MYT1L: variants seen among roughly 807,000 people sequenced by gnomAD.
MYT1L encodes the protein myelin transcription factor 1 like.
A neutral mutation model predicts 126.7 loss-of-function variants in MYT1L; 12 were observed. That is an observed-to-expected ratio of 0.09 (90% CI 0.06 to 0.15). The LOEUF is 0.15. Ranked by LOEUF, MYT1L falls within the 10% of genes least tolerant of loss-of-function variation. The probability of loss-of-function intolerance (pLI) is 1.00; values close to 1 mark genes in which losing one functional copy is unlikely to be tolerated. For synonymous variants in MYT1L, 541 were observed against 604.2 expected, an observed-to-expected ratio of 0.90 and a Z score of 1.53; for missense variants, 979 against 1,585.2, an observed-to-expected ratio of 0.62 and a Z score of 6.49.
intron 2 of MYT1L, among the ~76,000 whole-genome samples, chr2:2,180,811 T>C (rs1362139452): frequency 6.6e-6 from 1 of 150,704 alleles, no homozygotes; most frequent in African/African-American, 2.5e-5. Flanking sequence ...CCTGTATCCA[T>C]ACCTGTGTGT....
Position 1,922,660 on chromosome 2 carries a change from C to T in MYT1L, c.1109G>A (p.Arg370Lys). The T allele has an allele frequency of 6.2e-7, 1 of 1,613,872 alleles. No individual in the cohort carries two copies. The highest frequency in any genetic ancestry group is 8.5e-7 in the Non-Finnish European group (1 of 1,179,850). Reference sequence around the variant, plus strand: ...GTCCGAGTAGTTTCTGTCCGGCGTCCTTCCGGGGAAGTCCTCTTCTGGCCG... The same window carrying T: ...GTCCGAGTAGTTTCTGTCCGGCGTCTTTCCGGGGAAGTCCTCTTCTGGCCG... ...HVRPEEDFPG[R>K]TPDRNYSDML... is the part of the protein sequence containing the mutation. The change falls in exon 10 of 25, where the codon AGG (arginine) becomes AAG (lysine). Residue 370 changes from arginine to lysine, a missense_variant. Coordinates refer to ENST00000647738, the MANE Select transcript of MYT1L (RefSeq NM_001303052.2). This position sits in a 1 kb window ranked among gnomAD's most constrained non-coding sequence, Gnocchi z 7.4.
chr2:2,129,460 G>T lies in MYT1L; in HGVS notation c.-304+43412C>A, dbSNP rs528786383. ...AAGAGCTTAGAAAAAGTTCCAAATGGCAGAAAGTGTGTGATAAAGAAGGCA... is the reference window on the plus strand; with the variant it reads ...AAGAGCTTAGAAAAAGTTCCAAATGTCAGAAAGTGTGTGATAAAGAAGGCA... On this transcript the variant is annotated intron_variant, in intron 3 of 24. Coordinates refer to ENST00000647738, the MANE Select transcript of MYT1L (RefSeq NM_001303052.2). Among the ~76,000 whole-genome samples the T allele has an allele frequency of 2.0e-5, 3 of 152,260 alleles. No individual in the cohort carries two copies. In the East Asian group the frequency reaches 5.8e-4, roughly 29 times the overall value.
At chr2:2,031,740 C>G (rs1009679116) in intron 4 of MYT1L, among the ~76,000 whole-genome samples, 5 of 144,650 alleles carry the variant, frequency 3.5e-5, no homozygotes, top group African/African-American at 1.3e-4. Context: ...ATCCTGTCGC[C>G]CAGAGCAGAT....
intron 3 of MYT1L, among the ~76,000 whole-genome samples, chr2:2,075,408 C>T (rs2075105210): frequency 6.6e-6 from 1 of 152,190 alleles, no homozygotes; most frequent in South Asian, 2.1e-4. Context: ...TCACAGTCAT[C>T]TGGACCCCTA....
At chr2:2,183,046 T>C (rs2091708220) in intron 2 of MYT1L, among the ~76,000 whole-genome samples, 1 of 152,126 alleles carries the variant, frequency 6.6e-6, no homozygotes, top group Non-Finnish European at 1.5e-5. Context: ...GAGAAGGTCA[T>C]GTCATCAGGC....
At chr2:2,117,172 T>C (rs557439664) in intron 3 of MYT1L, among the ~76,000 whole-genome samples, 2 of 152,266 alleles carry the variant, frequency 1.3e-5, no homozygotes, top group South Asian at 2.1e-4. Context: ...GGAAACAATT[T>C]TGTTTTCCCG....
chr2:2,036,875 A>G (rs2066913082), intron 4 of MYT1L, among the ~76,000 whole-genome samples: 2 of 152,162 alleles, frequency 1.3e-5, no homozygotes, highest in African/African-American at 4.8e-5. Flanking sequence ...CTTCAATTTA[A>G]GACTCATTGT....
chr2:2,056,529 G>A (rs1383366167), intron 3 of MYT1L, among the ~76,000 whole-genome samples: 1 of 152,212 alleles, frequency 6.6e-6, no homozygotes, highest in South Asian at 2.1e-4. Flanking sequence ...CAACTACAGT[G>A]TGCTTTTAAC....
At chr2:1,805,811 G>A (rs994242276) in intron 22 of MYT1L, among the ~76,000 whole-genome samples, 3 of 152,198 alleles carry the variant, frequency 2.0e-5, no homozygotes, top group African/African-American at 7.2e-5. Flanking sequence ...GCTTGACCCT[G>A]GGAGGCGGAG....
chr2:1,932,961 A>T (rs2055220163), intron 9 of MYT1L, among the ~76,000 whole-genome samples: 1 of 152,056 alleles, frequency 6.6e-6, no homozygotes, highest in African/African-American at 2.4e-5. Flanking sequence ...TCTAAAGGAG[A>T]ACAATGGCAC....
intron 1 of MYT1L, among the ~76,000 whole-genome samples, chr2:2,315,507 T>C (rs775262648): frequency 3.9e-5 from 6 of 152,180 alleles, no homozygotes; most frequent in Non-Finnish European, 7.3e-5. Flanking sequence ...AACAATCCTA[T>C]AGATTTTTGT....
At chr2:2,319,739 A>G (rs1324104443) in intron 1 of MYT1L, among the ~76,000 whole-genome samples, 2 of 150,884 alleles carry the variant, frequency 1.3e-5, no homozygotes, top group Non-Finnish European at 1.5e-5. Context: ...ATTTATGATT[A>G]CCCTTTATCA....
chr2:1,901,399 T>G (rs986359832), intron 14 of MYT1L, among the ~76,000 whole-genome samples: 16 of 152,210 alleles, frequency 1.1e-4, no homozygotes, highest in African/African-American at 3.6e-4. Context: ...GATCCTTCAC[T>G]TGTAGATGAA....
intron 4 of MYT1L, among the ~76,000 whole-genome samples, chr2:2,021,039 T>C (rs1483044989): frequency 6.6e-6 from 1 of 152,194 alleles, no homozygotes; most frequent in Non-Finnish European, 1.5e-5. Context: ...TAAGTGACGA[T>C]GGGCAGACAC....
Position 2,236,757 on chromosome 2 carries a change from TTTCTTCTTCTTCTTCTTCTTCTTC to T in MYT1L, c.-421+47623_-421+47646del, listed in dbSNP as rs760901038. The stretch of plus-strand genomic sequence containing the variant: ...ACTGGTGAAGACTCATTGGTTGTCC[TTTCTTCTTCTTCTTCTTCTTCTTC>T]TTCTTCTTCTTCTTCTTCTTCTTCT... On this transcript the variant is annotated intron_variant, in intron 2 of 24. Transcript: ENST00000647738. Among the ~76,000 whole-genome samples, 360 of 132,618 alleles carry T rather than the reference TTTCTTCTTCTTCTTCTTCTTCTTC, an allele frequency of 2.7e-3. 2 individuals are homozygous for T. The highest frequency in any genetic ancestry group is 4.2e-3 in the Non-Finnish European group (263 of 62,116). 87.0% of individuals were successfully genotyped at this position (132,618 alleles called of 152,430 possible). A position where few individuals can be genotyped will look rare whatever the true frequency, so the allele number is the denominator to read the frequency against.
intron 14 of MYT1L, among the ~76,000 whole-genome samples, chr2:1,901,761 G>C (rs1358023412): frequency 6.6e-6 from 1 of 152,188 alleles, no homozygotes; most frequent in Non-Finnish European, 1.5e-5. Context: ...CTGTCCACCA[G>C]GCTGGAGAGC....
intron 4 of MYT1L, among the ~76,000 whole-genome samples, chr2:2,034,399 A>G (rs1291177253): frequency 9.0e-5 from 2 of 22,246 alleles, no homozygotes; most frequent in African/African-American, 2.5e-4. Context: ...TCTCCCCAAC[A>G]ATCTCCACCC....
intron 8 of MYT1L, among the ~76,000 whole-genome samples, chr2:1,970,367 A>C (rs1273306788): frequency 6.6e-6 from 1 of 152,192 alleles, no homozygotes; most frequent in African/African-American, 2.4e-5. Flanking sequence ...CACTGTACCC[A>C]GGATAGTCTT....
intron 2 of MYT1L, among the ~76,000 whole-genome samples, chr2:2,256,144 G>A (rs796307980): frequency 1.3e-5 from 2 of 152,214 alleles, no homozygotes; most frequent in South Asian, 4.1e-4. Flanking sequence ...AATAGACAGA[G>A]GCTCCGGGCT....
Sources: gnomAD v4.1 joint callset for allele counts (sites outside exome capture counted in the v4.1 genomes callset) on GRCh38, gnomAD v4.1.1 for gene constraint, Gnocchi (gnomAD v3.1) non-coding constraint, MANE v1.5 for transcripts, NCBI Gene and HGNC (gene_info 2026-07-23, HGNC 2026-07-21) for gene names.